The following SGCD variants were observed in gnomAD, a reference collection of about 807,000 sequenced individuals.
SGCD encodes sarcoglycan delta.
A neutral mutation model predicts 36.6 loss-of-function variants in SGCD; 18 were observed. The observed-to-expected ratio is 0.49, with a 90% CI of 0.34 to 0.73. SGCD has a LOEUF of 0.73. SGCD is among the 30% of genes least tolerant of loss of function. The probability of loss-of-function intolerance (pLI) is 0.01; values close to 1 mark genes in which losing one functional copy is unlikely to be tolerated. For synonymous variants in SGCD, 133 were observed against 130.6 expected, an observed-to-expected ratio of 1.02 and a Z score of -0.12; for missense variants, 387 against 346.7, an observed-to-expected ratio of 1.12 and a Z score of -0.92.
chr5:156,195,068 A>G (rs1189646642), intron 3 of SGCD, among the ~76,000 whole-genome samples: 1 of 152,122 alleles, frequency 6.6e-6, no homozygotes, highest in Admixed American at 6.6e-5. Flanking sequence ...TCAAATCTTT[A>G]TGTTCTTTAG....
At chr5:156,545,601 A>G (rs904974887) in intron 4 of SGCD, among the ~76,000 whole-genome samples, 3 of 152,154 alleles carry the variant, frequency 2.0e-5, no homozygotes, top group African/African-American at 7.2e-5. Flanking sequence ...AGTTCACAGT[A>G]GGGTTCCTAC....
intron 4 of SGCD, among the ~76,000 whole-genome samples, chr5:156,529,908 T>TACCAAA (rs1757815767): frequency 1.3e-5 from 2 of 152,254 alleles, no homozygotes; most frequent in African/African-American, 2.4e-5. Context: ...TTAGCAATGA[T>TACCAAA]TCTTCCTCTA....
intron 1 of SGCD, among the ~76,000 whole-genome samples, chr5:156,090,748 C>T (rs940228424): frequency 1.3e-5 from 2 of 152,158 alleles, no homozygotes. Context: ...ATAAGACAGA[C>T]ACTCCCAGAG....
the SGCD span, among the ~76,000 whole-genome samples, chr5:155,822,087 T>C: frequency 6.6e-6 from 1 of 152,192 alleles, no homozygotes; most frequent in Non-Finnish European, 1.5e-5. Flanking sequence ...CAGAAATGAT[T>C]AAGTAGGTAC....
Position 156,581,624 on chromosome 5 carries a change from A to C in SGCD, c.295-7607A>C, listed in dbSNP as rs1441932937. ...TTTGTTTACCTACTCAAGCCTCAGC[A>C]ATGGTGGATGCCCCACCCCCTGCCA... On this transcript the variant is annotated intron_variant, in intron 4 of 8. Transcript: ENST00000337851. 6.6e-5 allele frequency among the ~76,000 whole-genome samples: 10 copies of C among 152,232 alleles called. No individual in the cohort carries two copies. In the East Asian group the frequency reaches 1.4e-3, roughly 21 times the overall value.
At chr5:155,924,900 T>C (rs1162466754) in intron 1 of SGCD, among the ~76,000 whole-genome samples, 1 of 152,226 alleles carries the variant, frequency 6.6e-6, no homozygotes, top group Non-Finnish European at 1.5e-5. Context: ...CATATTGCAG[T>C]CACTCTCTGA....
intron 1 of SGCD, among the ~76,000 whole-genome samples, chr5:156,051,250 T>G (rs909138733): frequency 6.9e-6 from 1 of 145,708 alleles, no homozygotes; most frequent in Non-Finnish European, 1.5e-5. Flanking sequence ...TGAATTTGAG[T>G]TTATCACTCT....
chr5:156,385,646 T>TA (rs1052641046), intron 3 of SGCD, among the ~76,000 whole-genome samples: 17 of 152,060 alleles, frequency 1.1e-4, no homozygotes, highest in African/African-American at 4.1e-4. Flanking sequence ...CTGGAGGAGG[T>TA]AAGAGCTTAT....
the SGCD span, among the ~76,000 whole-genome samples, chr5:155,743,937 G>A: frequency 1.3e-5 from 2 of 152,204 alleles, no homozygotes; most frequent in Middle Eastern, 3.2e-3. Flanking sequence ...AGAGGACCAA[G>A]TGTCCCTTGG....
chr5:156,618,013 TAAAC>T (rs1762084891), intron 6 of SGCD, among the ~76,000 whole-genome samples: 1 of 152,244 alleles, frequency 6.6e-6, no homozygotes, highest in Admixed American at 6.5e-5. Context: ...AGGTTCTAAA[TAAAC>T]AGTCTCTCTC....
At chr5:156,121,583 A>G (rs1762041631) in intron 2 of SGCD, among the ~76,000 whole-genome samples, 1 of 152,134 alleles carries the variant, frequency 6.6e-6, no homozygotes, top group Non-Finnish European at 1.5e-5. Flanking sequence ...GAAGATCTTC[A>G]AAGGTATTTA....
chr5:156,703,179 A>C (rs1754595417), intron 7 of SGCD, among the ~76,000 whole-genome samples: 1 of 152,180 alleles, frequency 6.6e-6, no homozygotes, highest in African/African-American at 2.4e-5. Context: ...GCTAGCATCC[A>C]TGAAACTGTG....
chr5:156,585,651 A>T (rs915644920), intron 4 of SGCD, among the ~76,000 whole-genome samples: 1 of 152,134 alleles, frequency 6.6e-6, no homozygotes, highest in Non-Finnish European at 1.5e-5. Flanking sequence ...GGACCCATGG[A>T]CTATTCCTTT....
intron 3 of SGCD, among the ~76,000 whole-genome samples, chr5:156,230,454 T>C (rs1401990386): frequency 1.3e-5 from 2 of 152,196 alleles, no homozygotes; most frequent in Non-Finnish European, 2.9e-5. Flanking sequence ...ATCTCTCTTC[T>C]GGATCTAGCC....
At chr5:156,350,762 G>A (rs755652217) in intron 3 of SGCD, among the ~76,000 whole-genome samples, 1 of 151,996 alleles carries the variant, frequency 6.6e-6, no homozygotes, top group Admixed American at 6.6e-5. Flanking sequence ...TTATACAAAC[G>A]AGCTAATATT....
At chr5:155,907,525 T>A (rs940055054) in intron 1 of SGCD, among the ~76,000 whole-genome samples, 2 of 152,132 alleles carry the variant, frequency 1.3e-5, no homozygotes, top group African/African-American at 4.8e-5. Context: ...AGTAAGAGTT[T>A]GGAAGAAGTT....
chr5:155,805,785 G>C, the SGCD span, among the ~76,000 whole-genome samples: 1 of 152,304 alleles, frequency 6.6e-6, no homozygotes, highest in East Asian at 1.9e-4. Flanking sequence ...TCAGGCATCT[G>C]GTGTGCAAAT....
intron 1 of SGCD, among the ~76,000 whole-genome samples, chr5:155,906,512 G>A (rs1302797095): frequency 1.3e-5 from 2 of 152,140 alleles, no homozygotes; most frequent in Non-Finnish European, 2.9e-5. Flanking sequence ...AAAATATAAA[G>A]TGCTACTCTG....
chr5:156,307,722 T>C (rs1461897283), intron 3 of SGCD, among the ~76,000 whole-genome samples: 4 of 152,032 alleles, frequency 2.6e-5, no homozygotes, highest in Admixed American at 6.5e-5. Context: ...ATTTAACCTC[T>C]TAATATTATA....
Sources: gnomAD v4.1 joint callset for allele counts (sites outside exome capture counted in the v4.1 genomes callset) on GRCh38, gnomAD v4.1.1 for gene constraint, MANE v1.5 for transcripts, NCBI Gene and HGNC (gene_info 2026-07-23, HGNC 2026-07-21) for gene names.